LAP3: variants seen among roughly 807,000 people sequenced by gnomAD.
LAP3 encodes leucine aminopeptidase 3.
A neutral mutation model predicts 58.8 loss-of-function variants in LAP3; 46 were observed. That is an observed-to-expected ratio of 0.78 (90% CI 0.62 to 1.00). The LOEUF is 1.00. LAP3 is among the 50% of genes least tolerant of loss of function. The pLI is 0.00. For synonymous variants in LAP3, 257 were observed against 237.7 expected, an observed-to-expected ratio of 1.08 and a Z score of -0.75; for missense variants, 615 against 659.1, an observed-to-expected ratio of 0.93 and a Z score of 0.73.
intron 10 of LAP3, among the ~76,000 whole-genome samples, chr4:17,603,505 C>T (rs80059063): frequency 7.3e-6 from 1 of 137,046 alleles, no homozygotes; most frequent in South Asian, 2.4e-4. Context: ...AGCAAGAAAT[C>T]TTTTTTTTTT....
chr4:17,607,256 T>C lies in LAP3; in HGVS notation c.1371-144T>C, dbSNP rs113805505. ...AAGCAATATCTGAAAATAAATATTCTGAAACTGATATGTGGGTTAGCATCT... is the reference window on the plus strand; with the variant it reads ...AAGCAATATCTGAAAATAAATATTCCGAAACTGATATGTGGGTTAGCATCT... On this transcript the variant is annotated intron_variant, in intron 12 of 12. Transcript: ENST00000226299. 4.8e-5 allele frequency: 31 copies of C among 643,774 alleles called. 1 individual carries two copies. The highest frequency in any genetic ancestry group is 4.7e-4 in the African/African-American group (26 of 54,756). The allele number at this position is 643,774 out of a possible 1,614,324, so 39.9% of individuals were successfully genotyped here.
chr4:17,584,325 TATC>T (rs1446272619), intron 5 of LAP3, among the ~76,000 whole-genome samples: 2 of 152,254 alleles, frequency 1.3e-5, no homozygotes, highest in Non-Finnish European at 2.9e-5. Flanking sequence ...ATGGGGTTTG[TATC>T]ATCATCCAAA....
chr4:17,582,352 A>G lies in LAP3; in HGVS notation c.338A>G (p.Asn113Ser), dbSNP rs200442975. 11 of 1,613,970 alleles carry G rather than the reference A, an allele frequency of 6.8e-6. No individual in the cohort carries two copies. The highest frequency in any genetic ancestry group is 2.2e-5 in the East Asian group (1 of 44,896). The change falls in exon 4 of 13, where the codon AAC (asparagine) becomes AGC (serine). Residue 113 changes from asparagine (N) to serine (S), a missense_variant. Transcript: ENST00000226299. ...KKAAGIDEQE[N>S]WHEGKENIRA... ...GCAGCTGGAATCGACGAACAGGAAAACTGGCATGAAGGCAAAGAAAACATC... is the reference window on the plus strand; with the variant it reads ...GCAGCTGGAATCGACGAACAGGAAAGCTGGCATGAAGGCAAAGAAAACATC...
chr4:17,592,757 A>G (rs1210760214), intron 7 of LAP3, among the ~76,000 whole-genome samples: 2 of 152,226 alleles, frequency 1.3e-5, no homozygotes, highest in East Asian at 1.9e-4. Context: ...GTGAGTATAC[A>G]GTGATCTCTC....
At position 17,606,907 on chromosome 4, in the gene LAP3, C is replaced by T. The variant is rs779628589; in HGVS notation, c.1339C>T (p.Leu447Phe). Residue 447 changes from leucine (L) to phenylalanine (F), a missense_variant, in exon 12 of 13, where the codon CTT (leucine) becomes TTT (phenylalanine). Physicochemically the swap from Leu to Phe is conservative, Grantham distance 22. Coordinates refer to ENST00000226299, the MANE Select transcript of LAP3 (RefSeq NM_015907.3). ...HYTRQVVDCQ[L>F]ADVNNIGKYR... is the part of the protein sequence containing the mutation. ...TACAAGACAGGTTGTAGATTGCCAG[C>T]TTGCTGATGTTAACAACATTGGAAA... 11 of 1,612,414 alleles carry T rather than the reference C, an allele frequency of 6.8e-6. No homozygotes were observed. Among genetic ancestry groups the T allele is most frequent in the Non-Finnish European group, 8.5e-7 (1 of 1,179,056 alleles).
chr4:17,582,155 C>T (rs536879822), intron 3 of LAP3, 133 bp from the exon 4 acceptor site: 111 of 720,124 alleles, frequency 1.5e-4, no homozygotes, highest in Non-Finnish European at 2.3e-4. Flanking sequence ...CAAATTTCAC[C>T]GTGCGTTTAG....
chr4:17,606,979 T>C, intron 12 of LAP3, 41 bp downstream of exon 12: 1 of 1,291,848 alleles, frequency 7.7e-7, no homozygotes, highest in Non-Finnish European at 1.1e-6. Flanking sequence ...ACAATCATCC[T>C]TGATTGCCAA....
At chr4:17,594,086 A>G (rs1356172858) in intron 7 of LAP3, among the ~76,000 whole-genome samples, 1 of 152,222 alleles carries the variant, frequency 6.6e-6, no homozygotes, top group Non-Finnish European at 1.5e-5. Flanking sequence ...GGGTAGTAGC[A>G]TCAATGAGGG....
At chr4:17,599,082 G>A (rs968972243) in intron 10 of LAP3, among the ~76,000 whole-genome samples, 1 of 151,912 alleles carries the variant, frequency 6.6e-6, no homozygotes, top group Non-Finnish European at 1.5e-5. Context: ...CATGTTGGCC[G>A]GGCTGGTCTC....
rs574808274 is a variant in LAP3, at chr4:17,602,116, C to A, written c.1181-2472C>A. Among the ~76,000 whole-genome samples the A allele has an allele frequency of 4.6e-5, 7 of 152,302 alleles. No individual in the cohort carries two copies. In the East Asian group the frequency reaches 5.8e-4, roughly 13 times the overall value. On this transcript the variant is annotated intron_variant, in intron 10 of 12. Coordinates refer to ENST00000226299, the MANE Select transcript of LAP3 (RefSeq NM_015907.3). ...CTATAGATTGCCCCCAGTTTCAGTGCTGCCTCCTCTGACATTCCATATGTG... is the reference window on the plus strand; with the variant it reads ...CTATAGATTGCCCCCAGTTTCAGTGATGCCTCCTCTGACATTCCATATGTG...
chr4:17,578,402 A>C (rs1713268492), intron 1 of LAP3, among the ~76,000 whole-genome samples: 2 of 152,206 alleles, frequency 1.3e-5, no homozygotes, highest in South Asian at 4.1e-4. Flanking sequence ...GGGAAGTTAG[A>C]ACCTGGCAGA....
chr4:17,604,292 A>AG (rs1560152787), intron 10 of LAP3, among the ~76,000 whole-genome samples: 4 of 143,196 alleles, frequency 2.8e-5, no homozygotes, highest in African/African-American at 1.0e-4. Context: ...AAAAAAAAAA[A>AG]GGTTTAGATG....
At chr4:17,599,706 T>C (rs565524158) in intron 10 of LAP3, among the ~76,000 whole-genome samples, 3 of 139,938 alleles carry the variant, frequency 2.1e-5, no homozygotes, top group Admixed American at 7.1e-5. Flanking sequence ...AGAGCTTTAC[T>C]TTTTTTTTTT....
chr4:17,607,267 T>G, intron 12 of LAP3, 133 bp from the exon 13 acceptor site: 1 of 667,442 alleles, frequency 1.5e-6, no homozygotes, highest in South Asian at 2.1e-5. Flanking sequence ...GAAACTGATA[T>G]GTGGGTTAGC....
intron 2 of LAP3, among the ~76,000 whole-genome samples, chr4:17,580,569 C>T (rs1376750772): frequency 6.6e-6 from 1 of 152,058 alleles, no homozygotes; most frequent in Non-Finnish European, 1.5e-5. Flanking sequence ...AATTCACTTT[C>T]CCCACCCTCT....
At chr4:17,582,006 G>A in intron 3 of LAP3, 192 bp downstream of exon 3, 1 of 601,908 alleles carries the variant, frequency 1.7e-6, no homozygotes, top group Non-Finnish European at 2.9e-6. Context: ...TCCTCAATCT[G>A]AAGGCTTTCT....
rs1312643149 is a variant in LAP3, at chr4:17,577,420, C to T, written c.-46C>T. The T allele has an allele frequency of 2.3e-5, 33 of 1,450,420 alleles. No homozygotes were observed. The highest frequency in any genetic ancestry group is 3.1e-5 in the Non-Finnish European group (33 of 1,080,022). 89.8% of individuals were successfully genotyped at this position (1,450,420 alleles called of 1,614,324 possible). On this transcript the variant is annotated 5_prime_UTR_variant, in exon 1 of 13. Coordinates refer to ENST00000226299, the MANE Select transcript of LAP3 (RefSeq NM_015907.3). ...CCCCAAGGCGCGCCCGCCCACCGCTCTCCACGTGCTCGCTGGAGGGCGGTG... is the reference window on the plus strand; with the variant it reads ...CCCCAAGGCGCGCCCGCCCACCGCTTTCCACGTGCTCGCTGGAGGGCGGTG...
At chr4:17,588,006 C>G (rs1184782928) in intron 6 of LAP3, among the ~76,000 whole-genome samples, 3 of 149,426 alleles carry the variant, frequency 2.0e-5, no homozygotes, top group African/African-American at 7.4e-5. Context: ...TTTAAGCACT[C>G]TTTGTGGTCT....
At chr4:17,596,808 GCTT>G (rs1479382021) in intron 8 of LAP3, among the ~76,000 whole-genome samples, 2 of 152,188 alleles carry the variant, frequency 1.3e-5, no homozygotes, top group African/African-American at 4.8e-5. Flanking sequence ...TATTTGAATT[GCTT>G]CTTCTTGATT....
Sources: allele counts gnomAD v4.1 joint callset (sites outside exome capture counted in the v4.1 genomes callset), GRCh38; gene constraint gnomAD v4.1.1; transcripts MANE v1.5; gene names NCBI Gene and HGNC (gene_info 2026-07-23, HGNC 2026-07-21).